The following CNGB3 variants were observed in gnomAD, a reference collection of about 807,000 sequenced individuals.
CNGB3 encodes the protein cyclic nucleotide gated channel subunit beta 3.
In CNGB3, 86 loss-of-function variants were observed where a neutral mutation model predicts 92.8. That is an observed-to-expected ratio of 0.93 (90% CI 0.78 to 1.11). The LOEUF (loss-of-function observed/expected upper bound fraction) is 1.11, where lower values mean the gene tolerates loss of function less well. Among genes scored for constraint, CNGB3 ranks in the 50% least tolerant of loss-of-function variants. The pLI is 0.00. For missense variants in CNGB3, 1,026 were observed against 956.8 expected (o/e 1.07, Z -0.95); for synonymous variants, 333 against 332.7 (o/e 1.00, Z -0.01).
At chr8:86,579,058 A>G (rs1821711805) in intron 16 of CNGB3, 48 bp downstream of exon 16, 1 of 1,612,884 alleles carries the variant, frequency 6.2e-7, no homozygotes, top group Admixed American at 1.7e-5. Flanking sequence ...AGAGTTTACA[A>G]AGTAAAACCA....
At chr8:86,689,804 C>T (rs60896469) in intron 3 of CNGB3, among the ~76,000 whole-genome samples, 418 of 151,324 alleles carry the variant, frequency 2.8e-3, no homozygotes, top group African/African-American at 9.7e-3. Flanking sequence ...TGTGTGAGAA[C>T]ATGCGGTGTT....
At chr8:86,694,088 ACCTCCCTCCCAGACGGGGCGGCTGGCCG>A (rs1824382206) in intron 3 of CNGB3, among the ~76,000 whole-genome samples, 1 of 69,328 alleles carries the variant, frequency 1.4e-5, no homozygotes, top group African/African-American at 5.6e-5. Context: ...TGACCCCCCC[ACCTCCCTCCCAGACGGGGCGGCTGGCCG>A]GGCGGGGGGC....
intron 15 of CNGB3, among the ~76,000 whole-genome samples, chr8:86,587,701 C>T (rs1372760148): frequency 6.7e-6 from 1 of 150,238 alleles, no homozygotes; most frequent in East Asian, 2.0e-4. Context: ...ATCTATATCT[C>T]TGTTTTGGTA....
chr8:86,605,471 A>G (rs2131560267), intron 14 of CNGB3, among the ~76,000 whole-genome samples: 1 of 152,356 alleles, frequency 6.6e-6, no homozygotes, highest in Admixed American at 6.5e-5. Context: ...AAAAAATAGC[A>G]TTAATACAAT....
intron 3 of CNGB3, among the ~76,000 whole-genome samples, chr8:86,722,615 A>G (rs13278406): frequency 0.19 from 28,862 of 152,170 alleles, 3,357 homozygotes; most frequent in South Asian, 0.3. Context: ...CATTTGAATC[A>G]GTAGACTGAG....
At chr8:86,631,645 T>C (rs1194513927) in intron 11 of CNGB3, among the ~76,000 whole-genome samples, 2 of 152,232 alleles carry the variant, frequency 1.3e-5, no homozygotes, top group East Asian at 1.9e-4. Context: ...TCCTATTTCA[T>C]TGTTAATATA....
chr8:86,680,279 T>C (rs1824057705), intron 3 of CNGB3, among the ~76,000 whole-genome samples: 1 of 152,190 alleles, frequency 6.6e-6, no homozygotes, highest in Admixed American at 6.5e-5. Flanking sequence ...ATTTGAGACA[T>C]TTCTGAAAGT....
At chr8:86,601,146 G>C (rs117045228) in intron 15 of CNGB3, among the ~76,000 whole-genome samples, 603 of 152,258 alleles carry the variant, frequency 4.0e-3, no homozygotes, top group Non-Finnish European at 7.2e-3. Context: ...ATTCCGAAGA[G>C]AGATGAAACC....
intron 3 of CNGB3, among the ~76,000 whole-genome samples, chr8:86,693,513 T>C (rs981257951): frequency 9.4e-5 from 14 of 149,126 alleles, no homozygotes; most frequent in African/African-American, 7.4e-5. Flanking sequence ...GGCAGGGTCA[T>C]AGGACAATAG....
intron 17 of CNGB3, 151 bp from the exon 18 acceptor site, chr8:86,576,281 T>C: frequency 1.1e-6 from 1 of 875,766 alleles, no homozygotes; most frequent in South Asian, 1.6e-5. Context: ...TGCTTCTGAC[T>C]ATCATTTGAT....
intron 8 of CNGB3, among the ~76,000 whole-genome samples, chr8:86,645,606 AC>A (rs1259508257): frequency 6.6e-6 from 1 of 151,310 alleles, no homozygotes; most frequent in African/African-American, 2.4e-5. Flanking sequence ...ATTTTGCCCA[AC>A]GTAGATATGA....
At chr8:86,584,956 T>A (rs796686146) in intron 15 of CNGB3, among the ~76,000 whole-genome samples, 10 of 152,326 alleles carry the variant, frequency 6.6e-5, no homozygotes, top group African/African-American at 2.4e-4. Flanking sequence ...GAATACATAC[T>A]TTGGAACCAG....
At chr8:86,652,763 T>C (rs947405023) in intron 7 of CNGB3, among the ~76,000 whole-genome samples, 1 of 152,048 alleles carries the variant, frequency 6.6e-6, no homozygotes, top group African/African-American at 2.4e-5. Flanking sequence ...TAACAATGCC[T>C]TCTTCTGGAA....
intron 2 of CNGB3, among the ~76,000 whole-genome samples, chr8:86,730,612 T>C (rs934395273): frequency 2.6e-5 from 4 of 152,230 alleles, no homozygotes; most frequent in African/African-American, 4.8e-5. Context: ...ATACTATTAT[T>C]TTCCATCTAA....
intron 13 of CNGB3, among the ~76,000 whole-genome samples, chr8:86,614,602 T>A (rs919729336): frequency 2.6e-5 from 4 of 152,156 alleles, no homozygotes; most frequent in Non-Finnish European, 2.9e-5. Context: ...CTCGCCTGAC[T>A]GACATATCCA....
At chr8:86,614,052 G>A (rs1396845885) in intron 13 of CNGB3, among the ~76,000 whole-genome samples, 2 of 151,312 alleles carry the variant, frequency 1.3e-5, no homozygotes, top group Admixed American at 1.3e-4. Flanking sequence ...ATATGTGTGT[G>A]TATAGTAAAT....
Position 86,581,146 on chromosome 8 carries a change from C to T in CNGB3, c.1782-1894G>A, listed in dbSNP as rs117427707. 1.3e-4 allele frequency among the ~76,000 whole-genome samples: 20 copies of T among 152,310 alleles called. No homozygotes were observed. In the East Asian group the frequency reaches 3.3e-3, roughly 25 times the overall value. On this transcript the variant is annotated intron_variant, in intron 15 of 17. Transcript: ENST00000320005. The stretch of plus-strand genomic sequence containing the variant: ...AAAAGCTGCACAATTGAAAAATTAA[C>T]GACTTTTCTTAGATCCTTCAGAGAA...
chr8:86,742,182 C>T (rs1238099560), intron 1 of CNGB3, among the ~76,000 whole-genome samples: 2 of 152,126 alleles, frequency 1.3e-5, no homozygotes, highest in South Asian at 2.1e-4. Context: ...TTATGTGCTC[C>T]CTTGGAAAAT....
intron 3 of CNGB3, among the ~76,000 whole-genome samples, chr8:86,689,937 C>T (rs1419688195): frequency 6.6e-6 from 1 of 152,124 alleles, no homozygotes; most frequent in Admixed American, 6.5e-5. Flanking sequence ...GTATATGTGC[C>T]ACATTTTCTT....
Sources: allele counts gnomAD v4.1 joint callset (sites outside exome capture counted in the v4.1 genomes callset), GRCh38; gene constraint gnomAD v4.1.1; transcripts MANE v1.5; gene names NCBI Gene and HGNC (gene_info 2026-07-23, HGNC 2026-07-21).